The following CEP112 variants were observed in gnomAD, a reference collection of about 807,000 sequenced individuals.
CEP112 encodes the protein centrosomal protein 112, also known as centrosomal protein of 112 kDa.
CEP112 carries 127 observed loss-of-function variants against 153.0 expected under a neutral mutation model. That is an observed-to-expected ratio of 0.83 (90% CI 0.72 to 0.96). The LOEUF (loss-of-function observed/expected upper bound fraction) is 0.96. Ranked by LOEUF, CEP112 falls within the 40% of genes least tolerant of loss-of-function variation. CEP112 has a pLI of 0.00. For missense variants in CEP112, 1,089 were observed against 1,101.2 expected, an observed-to-expected ratio of 0.99 and a Z score of 0.16; for synonymous variants, 358 against 374.4, an observed-to-expected ratio of 0.96 and a Z score of 0.51.
chr17:65,925,252 G>A (rs2060882679), intron 19 of CEP112, among the ~76,000 whole-genome samples: 2 of 152,186 alleles, frequency 1.3e-5, no homozygotes, highest in Non-Finnish European at 2.9e-5. Context: ...AGGTGATTTT[G>A]CTTCTCCTTC....
At chr17:65,711,987 A>G (rs1016013842) in intron 23 of CEP112, among the ~76,000 whole-genome samples, 5 of 152,086 alleles carry the variant, frequency 3.3e-5, no homozygotes, top group Non-Finnish European at 7.4e-5. Flanking sequence ...ATAAAACACC[A>G]CTATCACTTT....
chr17:65,820,305 C>G (rs1161782672), intron 21 of CEP112, among the ~76,000 whole-genome samples: 1 of 151,986 alleles, frequency 6.6e-6, no homozygotes, highest in Non-Finnish European at 1.5e-5. Context: ...CTACAGACCT[C>G]AGATCTCCCA....
chr17:65,886,597 C>T (rs1276658713), intron 20 of CEP112, among the ~76,000 whole-genome samples: 1 of 152,136 alleles, frequency 6.6e-6, no homozygotes, highest in African/African-American at 2.4e-5. Flanking sequence ...GTGGGACTGG[C>T]CCAATTCGGA....
In CEP112 at chr17:65,708,465, C is replaced by T. The variant is rs552713564; in HGVS notation, c.2608-19247G>A. Among the ~76,000 whole-genome samples the T allele has an allele frequency of 1.1e-4, 17 of 152,344 alleles. No homozygotes were observed. In the South Asian group the frequency reaches 3.3e-3, roughly 30 times the overall value. Reference sequence around the variant, plus strand: ...TAATTCCTGCACTCAGATATAACCACTATTAGCACAGTGCCTTCTTTCCAC... The same window carrying T: ...TAATTCCTGCACTCAGATATAACCATTATTAGCACAGTGCCTTCTTTCCAC... On this transcript the variant is annotated intron_variant, in intron 23 of 26. Coordinates refer to ENST00000535342, the MANE Select transcript of CEP112 (RefSeq NM_001199165.4).
chr17:65,856,605 C>T (rs62065095), intron 20 of CEP112, among the ~76,000 whole-genome samples: 19,642 of 152,132 alleles, frequency 0.13, 1,330 homozygotes, highest in Non-Finnish European at 0.16. Flanking sequence ...AAAATACATA[C>T]ATTTTTATAG....
intron 21 of CEP112, among the ~76,000 whole-genome samples, chr17:65,793,638 T>A (rs752106275): frequency 6.6e-6 from 1 of 151,410 alleles, no homozygotes; most frequent in Non-Finnish European, 1.5e-5. Context: ...GCTTTGCTAA[T>A]ACTTTGAACA....
At chr17:66,049,627 T>C (rs997482934) in intron 12 of CEP112, among the ~76,000 whole-genome samples, 1 of 152,206 alleles carries the variant, frequency 6.6e-6, no homozygotes, top group Non-Finnish European at 1.5e-5. Context: ...GGCACACACC[T>C]GTAATCTCAG....
At chr17:65,831,243 A>G (rs1358384089) in intron 21 of CEP112, among the ~76,000 whole-genome samples, 1 of 152,232 alleles carries the variant, frequency 6.6e-6, no homozygotes, top group East Asian at 1.9e-4. Context: ...CAGAGAATTC[A>G]GAATAATACT....
chr17:66,031,453 G>GA (rs2065466094), intron 12 of CEP112, among the ~76,000 whole-genome samples: 1 of 147,564 alleles, frequency 6.8e-6, no homozygotes, highest in South Asian at 2.1e-4. Context: ...GCTAACAACT[G>GA]AAAAACCCAG....
At chr17:66,104,271 A>G (rs1011966061) in intron 6 of CEP112, among the ~76,000 whole-genome samples, 21 of 152,156 alleles carry the variant, frequency 1.4e-4, no homozygotes, top group Non-Finnish European at 3.1e-4. Flanking sequence ...TTGTCTTGCA[A>G]CTTGGATACC....
chr17:65,736,149 T>G (rs2050792914), intron 23 of CEP112, among the ~76,000 whole-genome samples: 1 of 151,800 alleles, frequency 6.6e-6, no homozygotes, highest in African/African-American at 2.4e-5. Flanking sequence ...ATCTAGTGAT[T>G]GGGGAATGGG....
intron 12 of CEP112, among the ~76,000 whole-genome samples, chr17:66,049,456 A>C (rs2066350396): frequency 6.6e-6 from 1 of 152,138 alleles, no homozygotes; most frequent in South Asian, 2.1e-4. Flanking sequence ...TAATTAATAA[A>C]GAGTCAAATG....
chr17:65,971,320 CT>C (rs2062783173), intron 17 of CEP112, among the ~76,000 whole-genome samples: 1 of 148,796 alleles, frequency 6.7e-6, no homozygotes, highest in South Asian at 2.2e-4. Flanking sequence ...TTTTACAAGT[CT>C]TAAAAATATA....
chr17:65,871,266 A>G (rs1298701829), intron 20 of CEP112, among the ~76,000 whole-genome samples: 2 of 152,164 alleles, frequency 1.3e-5, no homozygotes, highest in Non-Finnish European at 2.9e-5. Flanking sequence ...ATGACTTCTT[A>G]TCATGACTTC....
At chr17:65,957,342 G>A (rs1315490988) in intron 18 of CEP112, among the ~76,000 whole-genome samples, 1 of 152,178 alleles carries the variant, frequency 6.6e-6, no homozygotes, top group Non-Finnish European at 1.5e-5. Flanking sequence ...CAGAGATGGA[G>A]AAAAATATAT....
In CEP112 at chr17:66,169,636, A is replaced by G. The variant is rs192663056; in HGVS notation, c.470+5408T>C. On this transcript the variant is annotated intron_variant, in intron 4 of 26. Transcript: ENST00000535342. Reference sequence around the variant, plus strand: ...ATGTCTATTGTAAAATGATATGCACAAAATTGTTAATGGTGATTACCACTC... The same window carrying G: ...ATGTCTATTGTAAAATGATATGCACGAAATTGTTAATGGTGATTACCACTC... 2.1e-3 allele frequency among the ~76,000 whole-genome samples: 324 copies of G among 152,272 alleles called. 1 individual carries two copies. The highest frequency in any genetic ancestry group is 7.4e-3 in the African/African-American group (306 of 41,550).
At chr17:65,873,795 T>C (rs1347989859) in intron 20 of CEP112, 1 of 152,214 alleles carries the variant, frequency 6.6e-6, no homozygotes, top group Non-Finnish European at 1.5e-5. Flanking sequence ...TACATATTAC[T>C]TTTATTAGAA....
intron 24 of CEP112, chr17:65,655,069 T>G (rs912512705): frequency 1.6e-5 from 11 of 687,912 alleles, no homozygotes; most frequent in Admixed American, 3.6e-5. Flanking sequence ...AACCAAAACC[T>G]ATGATCATTG....
At chr17:65,924,629 T>C (rs375172021) in intron 19 of CEP112, among the ~76,000 whole-genome samples, 5 of 152,176 alleles carry the variant, frequency 3.3e-5, no homozygotes, top group African/African-American at 1.2e-4. Flanking sequence ...TGGCAACTCT[T>C]TTAAAACATG....
Sources: gnomAD v4.1 joint callset for allele counts (sites outside exome capture counted in the v4.1 genomes callset) on GRCh38, gnomAD v4.1.1 for gene constraint, MANE v1.5 for transcripts, NCBI Gene and HGNC (gene_info 2026-07-23, HGNC 2026-07-21) for gene names.